Variants in CHODL observed in about 807,000 individuals in gnomAD.
CHODL encodes the protein transmembrane protein MT75.
In CHODL, 29 loss-of-function variants were observed where a neutral mutation model predicts 34.5. That is an observed-to-expected ratio of 0.84 (90% CI 0.63 to 1.15). The LOEUF (loss-of-function observed/expected upper bound fraction) is 1.15, where lower values mean the gene tolerates loss of function less well. Among genes scored for constraint, CHODL ranks in the 50% most tolerant of loss-of-function variants. The pLI is 0.00. For missense variants in CHODL, 332 were observed against 332.5 expected (o/e 1.00, Z 0.01); for synonymous variants, 125 against 116.1 (o/e 1.08, Z -0.49).
intron 2 of CHODL, among the ~76,000 whole-genome samples, chr21:18,081,102 T>A (rs2064935931): frequency 6.6e-6 from 1 of 152,210 alleles, no homozygotes; most frequent in Non-Finnish European, 1.5e-5. Flanking sequence ...ATAACTAGTG[T>A]AAATGGAATT....
rs1046416242 is a variant in CHODL, at chr21:18,020,025, G to A, written c.-144-7847G>A. On this transcript the variant is annotated intron_variant, in intron 1 of 6. Coordinates refer to the CHODL transcript ENST00000400127. ...TTCTCTTTCTCTACTGGAAGGACTG[G>A]CAGGTCATATGGAAATAGATGGCAT... is the stretch of plus-strand genomic sequence containing the variant. Among the ~76,000 whole-genome samples, 6 of 152,226 alleles carry A rather than the reference G, an allele frequency of 3.9e-5. 1 individual carries two copies. Among genetic ancestry groups the A allele is most frequent in the Admixed American group, 1.3e-4 (2 of 15,284 alleles).
intron 1 of CHODL, among the ~76,000 whole-genome samples, chr21:18,021,566 C>T (rs1394017256): frequency 6.6e-6 from 1 of 152,184 alleles, no homozygotes; most frequent in Non-Finnish European, 1.5e-5. Flanking sequence ...AAATCATCTA[C>T]ATATTTCTTC....
chr21:18,120,074 G>A (rs1258084472), intron 2 of CHODL, among the ~76,000 whole-genome samples: 1 of 152,098 alleles, frequency 6.6e-6, no homozygotes, highest in African/African-American at 2.4e-5. Flanking sequence ...ATATTCCCCA[G>A]TAGCTCTTGA....
intron 1 of CHODL, among the ~76,000 whole-genome samples, chr21:17,958,312 C>T (rs950325039): frequency 2.0e-5 from 3 of 152,118 alleles, no homozygotes; most frequent in African/African-American, 4.8e-5. Flanking sequence ...CTGATCCCCT[C>T]TCAAATTTCT....
chr21:18,171,171 T>A (rs1371178602), intron 2 of CHODL, among the ~76,000 whole-genome samples: 2 of 143,786 alleles, frequency 1.4e-5, no homozygotes, highest in Non-Finnish European at 3.0e-5. Flanking sequence ...ACTTTTTTTT[T>A]TTGTTCTTCA....
chr21:18,143,521 T>C (rs1406608521), intron 2 of CHODL, among the ~76,000 whole-genome samples: 1 of 152,162 alleles, frequency 6.6e-6, no homozygotes, highest in African/African-American at 2.4e-5. Context: ...GCATGAATTC[T>C]GTGGCAAGAT....
At chr21:18,084,954 T>G (rs2064987555) in intron 2 of CHODL, among the ~76,000 whole-genome samples, 1 of 151,714 alleles carries the variant, frequency 6.6e-6, no homozygotes, top group South Asian at 2.1e-4. Context: ...TGTGTGTGTG[T>G]GTGTGTGAAT....
chr21:18,181,881 C>T (rs896548626), intron 2 of CHODL, among the ~76,000 whole-genome samples: 3 of 152,296 alleles, frequency 2.0e-5, no homozygotes, highest in Admixed American at 2.0e-4. Context: ...TACTTTATTT[C>T]AACACTTCAT....
At chr21:17,932,618 C>T (rs2142322) in intron 1 of CHODL, among the ~76,000 whole-genome samples, 63,846 of 152,020 alleles carry the variant, frequency 0.42, 13,457 homozygotes, top group South Asian at 0.53. Context: ...CGTGAAATGC[C>T]ACTCACTCAT....
At chr21:17,944,349 G>A (rs1419358204) in intron 1 of CHODL, among the ~76,000 whole-genome samples, 2 of 152,116 alleles carry the variant, frequency 1.3e-5, no homozygotes, top group Non-Finnish European at 2.9e-5. Flanking sequence ...TTAAAAAATC[G>A]ACCCAACAAT....
At chr21:18,227,517 AC>A (rs1467792514) in intron 2 of CHODL, among the ~76,000 whole-genome samples, 1 of 152,174 alleles carries the variant, frequency 6.6e-6, no homozygotes, top group East Asian at 1.9e-4. Context: ...AAGAAGACAA[AC>A]ATGATCATTA....
chr21:18,088,252 G>A (rs1052647643), intron 2 of CHODL, among the ~76,000 whole-genome samples: 2 of 152,148 alleles, frequency 1.3e-5, no homozygotes, highest in Non-Finnish European at 2.9e-5. Context: ...GGGAAGTGCA[G>A]TCTTCTCATG....
At chr21:18,193,294 A>G (rs1385955547) in intron 2 of CHODL, among the ~76,000 whole-genome samples, 2 of 152,130 alleles carry the variant, frequency 1.3e-5, no homozygotes, top group Non-Finnish European at 2.9e-5. Flanking sequence ...GAGATCCACA[A>G]TGTTTTTTAA....
At chr21:17,990,162 AGT>A (rs896264482) in intron 1 of CHODL, among the ~76,000 whole-genome samples, 1 of 152,024 alleles carries the variant, frequency 6.6e-6, no homozygotes, top group African/African-American at 2.4e-5. Flanking sequence ...GCCAAACCAA[AGT>A]GTGTGTATAA....
intron 1 of CHODL, among the ~76,000 whole-genome samples, chr21:17,937,529 T>C (rs562766215): frequency 2.6e-5 from 4 of 152,250 alleles, no homozygotes; most frequent in Non-Finnish European, 4.4e-5. Context: ...GTCATACTTA[T>C]AGTTCTCTTT....
intron 1 of CHODL, among the ~76,000 whole-genome samples, chr21:18,249,090 AAT>A (rs544484098): frequency 0.052 from 6,516 of 124,180 alleles, 453 homozygotes; most frequent in African/African-American, 0.16. Context: ...TATATAATAA[AAT>A]ATATATATAT....
chr21:18,245,825 T>C, intron 1 of CHODL: 2 of 1,187,582 alleles, frequency 1.7e-6, no homozygotes, highest in Non-Finnish European at 2.4e-6. Context: ...TCAGCAGGAC[T>C]ACTGGCAAGG....
chr21:17,980,150 T>A (rs2063702622), intron 1 of CHODL, among the ~76,000 whole-genome samples: 1 of 151,688 alleles, frequency 6.6e-6, no homozygotes, highest in African/African-American at 2.4e-5. Flanking sequence ...TCCATCTACA[T>A]TTTGCCTGAG....
intron 2 of CHODL, among the ~76,000 whole-genome samples, chr21:18,088,103 G>A (rs755045396): frequency 1.3e-5 from 2 of 152,056 alleles, no homozygotes; most frequent in Admixed American, 1.3e-4. Context: ...CACCTACCAG[G>A]CCCCTCCTCC....
Sources: gnomAD v4.1 joint callset for allele counts (sites outside exome capture counted in the v4.1 genomes callset) on GRCh38, gnomAD v4.1.1 for gene constraint, MANE v1.5 for transcripts, NCBI Gene and HGNC (gene_info 2026-07-23, HGNC 2026-07-21) for gene names.